Variants in CERK observed in about 807,000 individuals in gnomAD.
CERK encodes the protein acylsphingosine kinase.
CERK carries 39 observed loss-of-function variants against 63.4 expected under a neutral mutation model. The observed-to-expected ratio is 0.61, with a 90% CI of 0.48 to 0.80. The LOEUF is 0.80. Among genes scored for constraint, CERK ranks in the 30% least tolerant of loss-of-function variants. CERK has a pLI of 0.00. For missense variants in CERK, 670 were observed against 714.1 expected (o/e 0.94, Z 0.70); for synonymous variants, 302 against 280.0 (o/e 1.08, Z -0.78).
At chr22:46,718,927 G>T (rs1005374269) in intron 3 of CERK, among the ~76,000 whole-genome samples, 2 of 152,048 alleles carry the variant, frequency 1.3e-5, no homozygotes, top group African/African-American at 4.8e-5. Flanking sequence ...AATTAGCCAG[G>T]CGTGGTGGCA....
intron 1 of CERK, among the ~76,000 whole-genome samples, chr22:46,728,900 G>A (rs2082932792): frequency 1.3e-5 from 2 of 152,344 alleles, no homozygotes; most frequent in African/African-American, 4.8e-5. Flanking sequence ...GAGGGGGCTG[G>A]AGCAGGAATA....
intron 1 of CERK, among the ~76,000 whole-genome samples, chr22:46,728,213 G>A (rs1184471570): frequency 1.3e-5 from 2 of 152,152 alleles, no homozygotes; most frequent in Non-Finnish European, 2.9e-5. Context: ...ACCTGCATCA[G>A]CCTCCCGTCC....
rs1174134554 is a variant in CERK at position 46,714,029 on chromosome 22, G to C, written c.380-1736C>G. Among the ~76,000 whole-genome samples the C allele has an allele frequency of 1.3e-5, 2 of 152,174 alleles. No individual in the cohort carries two copies. Among genetic ancestry groups the C allele is most frequent in the Non-Finnish European group, 2.9e-5 (2 of 68,026 alleles). ...TCACGCCTGTTAATCCCAACACTTT[G>C]GGAGGCCGAGGTGGGCAGATCACTT... On this transcript the variant is annotated intron_variant, in intron 3 of 12. Coordinates refer to ENST00000216264, the MANE Select transcript of CERK (RefSeq NM_022766.6). This position sits in a 1 kb window ranked among gnomAD's most constrained non-coding sequence, Gnocchi z 4.4.
At chr22:46,722,499 G>A (rs1489904398) in intron 1 of CERK, among the ~76,000 whole-genome samples, 2 of 151,890 alleles carry the variant, frequency 1.3e-5, no homozygotes, top group African/African-American at 4.8e-5. Context: ...AGGATGTGGG[G>A]TCCAGAGTGA....
At chr22:46,697,070 T>C (rs1014828482) in intron 8 of CERK, among the ~76,000 whole-genome samples, 1 of 152,232 alleles carries the variant, frequency 6.6e-6, no homozygotes, top group African/African-American at 2.4e-5. Context: ...TTGCCATTTC[T>C]TAGGTTTTAA....
chr22:46,700,478 C>G (rs135685), intron 7 of CERK, among the ~76,000 whole-genome samples: 35,294 of 152,212 alleles, frequency 0.23, 4,384 homozygotes, highest in Middle Eastern at 0.41. Flanking sequence ...ATAATCCCAG[C>G]ACTTTGGGAG....
intron 6 of CERK, among the ~76,000 whole-genome samples, chr22:46,702,223 A>G (rs11703336): frequency 0.17 from 14,446 of 84,102 alleles, 1,418 homozygotes; most frequent in African/African-American, 0.31. Flanking sequence ...AAATATATAT[A>G]TGTGTGTGTG....
chr22:46,727,827 AGCCACCCCCCCCGGCCCT>A (rs2082926727), intron 1 of CERK, among the ~76,000 whole-genome samples: 1 of 66,126 alleles, frequency 1.5e-5, no homozygotes, highest in Non-Finnish European at 3.9e-5. Context: ...CCCCTGGCCC[AGCCACCCCCCCCGGCCCT>A]GCCACCCCCG....
chr22:46,709,641 C>T (rs564380929), intron 5 of CERK, among the ~76,000 whole-genome samples: 65 of 152,262 alleles, frequency 4.3e-4, no homozygotes, highest in African/African-American at 1.3e-3. Context: ...AATAAATATC[C>T]GCTGCAATTT....
chr22:46,689,820 G>A (rs1264709592), intron 12 of CERK, among the ~76,000 whole-genome samples, 172 bp downstream of exon 12: 4 of 152,124 alleles, frequency 2.6e-5, no homozygotes, highest in African/African-American at 7.2e-5. Flanking sequence ...TGTGGGTAAC[G>A]GCATCTCATT....
chr22:46,690,123 G>T lies in CERK; in HGVS notation c.1410C>A (p.Ser470Arg), dbSNP rs750950953. ...GCTTCTTCCCCCCCTCCTTGAGGTCGCTGTCCTCATCCTCCATGTGCTTCG... is the reference window on the plus strand; with the variant it reads ...GCTTCTTCCCCCCCTCCTTGAGGTCTCTGTCCTCATCCTCCATGTGCTTCG... ...FTSKHMEDED[S>R]DLKEGGKKRF... The change falls in exon 12 of 13, where the codon AGC becomes AGA. Residue 470 changes from serine (S) to arginine (R), a missense_variant. Transcript: ENST00000216264. The T allele has an allele frequency of 2.5e-6, 4 of 1,613,830 alleles. No homozygotes were observed. The African/African-American group carries it at 4.0e-5, about 16-fold the overall frequency.
chr22:46,731,673 G>A (rs772595987), intron 1 of CERK, among the ~76,000 whole-genome samples: 2 of 152,228 alleles, frequency 1.3e-5, no homozygotes, highest in Non-Finnish European at 2.9e-5. Context: ...ACCTGGGGAG[G>A]CACAGGGCAT....
At chr22:46,727,706 T>A (rs2082926081) in intron 1 of CERK, among the ~76,000 whole-genome samples, 1 of 152,106 alleles carries the variant, frequency 6.6e-6, no homozygotes, top group Admixed American at 6.5e-5. Context: ...GGTGCTGTGG[T>A]CCGCGTGCCC....
chr22:46,693,742 G>C, intron 9 of CERK: 1 of 449,504 alleles, frequency 2.2e-6, no homozygotes, highest in Non-Finnish European at 4.1e-6. Flanking sequence ...CACAGCATGA[G>C]GACGCTGAGG....
At chr22:46,726,314 G>A (rs1601728828) in intron 1 of CERK, among the ~76,000 whole-genome samples, 1 of 152,254 alleles carries the variant, frequency 6.6e-6, no homozygotes, top group African/African-American at 2.4e-5. Context: ...AAGCTGCCAC[G>A]TGAGGACCGG....
chr22:46,717,681 G>A (rs1472006525), intron 3 of CERK, among the ~76,000 whole-genome samples: 1 of 152,266 alleles, frequency 6.6e-6, no homozygotes, highest in South Asian at 2.1e-4. Flanking sequence ...CAGGGGCACG[G>A]TGGGGGACCC....
At chr22:46,715,888 T>G (rs2082863738) in intron 3 of CERK, among the ~76,000 whole-genome samples, 1 of 152,138 alleles carries the variant, frequency 6.6e-6, no homozygotes, top group South Asian at 2.1e-4. Context: ...GAAAGTTTTT[T>G]AAAATCATAA....
chr22:46,688,771 T>G (rs995647187), intron 12 of CERK, among the ~76,000 whole-genome samples: 1 of 152,254 alleles, frequency 6.6e-6, no homozygotes, highest in African/African-American at 2.4e-5. Flanking sequence ...GCTATCGCTC[T>G]CACGCCAGCC....
chr22:46,698,309 G>A lies in CERK; in HGVS notation c.943+1004C>T, dbSNP rs991989395. ...ACTCCTCCTCCTCTGTGCCCACTGC[G>A]GCCGAGCCGCAGGAAGGCAGGATCT... is the stretch of plus-strand genomic sequence containing the variant. On this transcript the variant is annotated intron_variant, in intron 8 of 12. Transcript: ENST00000216264. Among the ~76,000 whole-genome samples the A allele has an allele frequency of 1.6e-4, 25 of 152,358 alleles. 1 individual carries two copies. The highest frequency in any genetic ancestry group is 3.4e-4 in the Non-Finnish European group (23 of 68,038).
Sources: gnomAD v4.1 joint callset for allele counts (sites outside exome capture counted in the v4.1 genomes callset) on GRCh38, gnomAD v4.1.1 for gene constraint, Gnocchi (gnomAD v3.1) non-coding constraint, MANE v1.5 for transcripts, NCBI Gene and HGNC (gene_info 2026-07-23, HGNC 2026-07-21) for gene names.